Variants in SYMPK observed in about 807,000 individuals in gnomAD.
SYMPK encodes symplekin scaffold protein, also known as symplekin.
A neutral mutation model predicts 136.4 loss-of-function variants in SYMPK; 49 were observed. The observed-to-expected ratio is 0.36, with a 90% CI of 0.29 to 0.46. The LOEUF is 0.46. Ranked by LOEUF, SYMPK falls within the 20% of genes least tolerant of loss-of-function variation. SYMPK has a pLI of 1.00. For missense variants in SYMPK, 1,365 were observed against 1,690.0 expected, an observed-to-expected ratio of 0.81 and a Z score of 3.37; for synonymous variants, 766 against 713.0, an observed-to-expected ratio of 1.07 and a Z score of -1.19.
chr19:45,845,958 C>T (rs545161768), intron 7 of SYMPK, among the ~76,000 whole-genome samples: 132 of 152,274 alleles, frequency 8.7e-4, no homozygotes, highest in South Asian at 3.5e-3. Flanking sequence ...TGAATTAGGC[C>T]GGGCGCGGTG....
chr19:45,818,224 C>G, intron 22 of SYMPK, 78 bp from the exon 23 acceptor site: 2 of 1,413,804 alleles, frequency 1.4e-6, no homozygotes, highest in Non-Finnish European at 1.9e-6. Context: ...CCTCTGCTGT[C>G]TGCCCATGTG....
At chr19:45,829,402 G>C (rs1303755301) in intron 13 of SYMPK, among the ~76,000 whole-genome samples, 197 bp from the exon 14 acceptor site, 1 of 152,072 alleles carries the variant, frequency 6.6e-6, no homozygotes, top group African/African-American at 2.4e-5. Flanking sequence ...CCAGGGTGGG[G>C]ATCGATCATC....
intron 3 of SYMPK, 119 bp from the exon 4 acceptor site, chr19:45,852,654 C>A (rs947931934): frequency 2.5e-6 from 3 of 1,196,106 alleles, no homozygotes; most frequent in Non-Finnish European, 1.2e-6. Flanking sequence ...ACACTCATTT[C>A]AATGCCTGGC....
chr19:45,859,278 C>G (rs1453826390), intron 1 of SYMPK, among the ~76,000 whole-genome samples: 6 of 147,782 alleles, frequency 4.1e-5, no homozygotes, highest in African/African-American at 1.5e-4. Flanking sequence ...TTTCTCACTA[C>G]TGCACTTGAC....
chr19:45,824,150 A>T, intron 18 of SYMPK: 1 of 395,664 alleles, frequency 2.5e-6, no homozygotes, highest in East Asian at 5.0e-5. Context: ...ACTTGACCTG[A>T]CCTCGAATGC....
rs569532657 is a variant in SYMPK at position 45,815,787 on chromosome 19, T to C, written c.3687+64A>G. On this transcript the variant is annotated intron_variant, in intron 26 of 26. Transcript: ENST00000245934. ...GGCCCTGCCCCCTGATGGCCCCTCC[T>C]CCCCCACCTTCACCCCGGCCCAGAT... 587 of 1,581,300 alleles carry C rather than the reference T, an allele frequency of 3.7e-4. 2 individuals carry two copies. In the African/African-American group the frequency reaches 7.4e-3, roughly 20 times the overall value.
At chr19:45,831,004 A>G (rs1971156358) in intron 12 of SYMPK, 2 of 162,140 alleles carry the variant, frequency 1.2e-5, no homozygotes, top group African/African-American at 4.8e-5. Flanking sequence ...AGCCAGTAGC[A>G]TTTACTACAC....
At chr19:45,818,331 G>A (rs1327429308) in intron 22 of SYMPK, among the ~76,000 whole-genome samples, 185 bp from the exon 23 acceptor site, 1 of 152,186 alleles carries the variant, frequency 6.6e-6, no homozygotes, top group Non-Finnish European at 1.5e-5. Flanking sequence ...CCCGCCCTTG[G>A]AAAACCTGCA....
intron 14 of SYMPK, 114 bp from the exon 15 acceptor site, chr19:45,828,032 T>A (rs564507109): frequency 6.7e-6 from 6 of 900,378 alleles, no homozygotes; most frequent in Admixed American, 2.0e-5. Flanking sequence ...GGGCTGCTTG[T>A]TCAAGCCCCT....
intron 7 of SYMPK, among the ~76,000 whole-genome samples, 168 bp downstream of exon 7, chr19:45,847,584 A>G (rs1971594767): frequency 6.6e-6 from 1 of 152,176 alleles, no homozygotes; most frequent in South Asian, 2.1e-4. Context: ...GTTCATGATG[A>G]GTAAGCAGTG....
At chr19:45,823,339 G>A (rs747689107) in intron 20 of SYMPK, 33 bp downstream of exon 20, 55 of 1,584,824 alleles carry the variant, frequency 3.5e-5, no homozygotes, top group Non-Finnish European at 4.5e-5. Flanking sequence ...CATGTCCCAG[G>A]TAGCAGGGAC....
chr19:45,833,794 T>C (rs79593160), intron 11 of SYMPK, among the ~76,000 whole-genome samples: 21,642 of 152,064 alleles, frequency 0.14, 1,601 homozygotes, highest in South Asian at 0.18. Flanking sequence ...AAGGGTAAAA[T>C]TCCACACCTG....
intron 22 of SYMPK, among the ~76,000 whole-genome samples, chr19:45,818,710 C>T (rs1429848312): frequency 6.6e-6 from 1 of 152,026 alleles, no homozygotes; most frequent in Admixed American, 6.5e-5. Context: ...AGGCTGGGGC[C>T]GGGGCATACG....
chr19:45,825,061 ACC>A, intron 18 of SYMPK, 108 bp downstream of exon 18: 1 of 1,415,098 alleles, frequency 7.1e-7, no homozygotes, highest in Non-Finnish European at 9.5e-7. Context: ...CGGGGTGACC[ACC>A]CTTCGGGCTT....
chr19:45,828,290 GC>G (rs1438075649), intron 14 of SYMPK: 1 of 243,988 alleles, frequency 4.1e-6, no homozygotes, highest in Non-Finnish European at 8.1e-6. Flanking sequence ...ATGAGAAGGA[GC>G]CACCCACACA....
chr19:45,839,527 G>T (rs1318302564), intron 9 of SYMPK, among the ~76,000 whole-genome samples: 1 of 152,120 alleles, frequency 6.6e-6, no homozygotes, highest in Non-Finnish European at 1.5e-5. Context: ...AATAGACTCA[G>T]GCAACAATCA....
rs762689954 is a variant in SYMPK, at chr19:45,823,410, C to T, written c.2662G>A (p.Val888Ile). 6.2e-6 allele frequency: 10 copies of T among 1,614,036 alleles called. No homozygotes were observed. Among genetic ancestry groups the T allele is most frequent in the Admixed American group, 1.7e-5 (1 of 60,028 alleles). The part of the protein sequence containing the change: ...RDLYHKRLPD[V>I]RFLIPVLNGL... ...TTGAGCACCGGGATGAGGAAGCGGA[C>T]GTCTGGCAGTCGCTTGTGGTAGAGA... is the stretch of plus-strand genomic sequence containing the variant. The change falls in exon 20 of 27, where the codon GTC becomes ATC. Residue 888 changes from valine to isoleucine, a missense_variant. This residue lies in a region of SYMPK where 92 missense variants were observed against 198.6 expected (regional missense o/e 0.46). Transcript: ENST00000245934.
At chr19:45,841,916 T>C (rs1231769126) in intron 9 of SYMPK, among the ~76,000 whole-genome samples, 3 of 152,078 alleles carry the variant, frequency 2.0e-5, no homozygotes, top group South Asian at 2.1e-4. Flanking sequence ...ATTTAAATAA[T>C]GCATAATTTA....
intron 17 of SYMPK, 70 bp from the exon 18 acceptor site, chr19:45,825,401 T>C: frequency 1.3e-6 from 2 of 1,545,554 alleles, no homozygotes; most frequent in Non-Finnish European, 1.7e-6. Flanking sequence ...CTCAGGAATG[T>C]CCCTTCTTGG....
Sources: gnomAD v4.1 joint callset for allele counts (sites outside exome capture counted in the v4.1 genomes callset) on GRCh38, gnomAD v4.1.1 for gene constraint, gnomAD v4.1.1 regional missense constraint, MANE v1.5 for transcripts, NCBI Gene and HGNC (gene_info 2026-07-23, HGNC 2026-07-21) for gene names.